The following OR1N1 variants were observed in gnomAD, a reference collection of about 807,000 sequenced individuals.
OR1N1 encodes olfactory receptor family 1 subfamily N member 1.
For missense variants in OR1N1, 388 were observed against 391.9 expected (o/e 0.99, Z 0.08); for synonymous variants, 130 against 151.2 (o/e 0.86, Z 1.03).
At position 122,526,878 on chromosome 9, in the gene OR1N1, C is replaced by T; in HGVS notation, c.416G>A (p.Cys139Tyr). The change falls in exon 1 of 1, where the codon TGT (cysteine) becomes TAT (tyrosine). Residue 139 changes from cysteine to tyrosine, a missense_variant. Physicochemically the swap from Cys to Tyr is radical, Grantham distance 194. Coordinates refer to ENST00000304880, the MANE Select transcript of OR1N1 (RefSeq NM_012363.1). ...CYSTVMRPQV[C>Y]ALMLALCWVL... ...CCAGCACAATGCAAGCATTAGGGCA[C>T]AGACTTGGGGCCTCATGACTGTGGA... is the stretch of plus-strand genomic sequence containing the variant. 1 of 1,614,140 alleles carries T rather than the reference C, an allele frequency of 6.2e-7. No individual in the cohort carries two copies. The highest frequency in any genetic ancestry group is 8.5e-7 in the Non-Finnish European group (1 of 1,180,032).
Position 122,526,773 on chromosome 9 carries a change from T to G in OR1N1, c.521A>C (p.His174Pro), listed in dbSNP as rs1220525491. 1.2e-6 allele frequency: 2 copies of G among 1,613,692 alleles called. No homozygotes were observed. The highest frequency in any genetic ancestry group is 2.7e-5 in the African/African-American group (2 of 74,770). The change falls in exon 1 of 1, where the codon CAC becomes CCC. Residue 174 changes from histidine to proline, a missense_variant. Coordinates refer to ENST00000304880, the MANE Select transcript of OR1N1 (RefSeq NM_012363.1). ...LSFCVTGEIA[H>P]FFCDITPVLK... ...GACAGGAGTGATGTCACAGAAAAAG[T>G]GAGCAATTTCCCCAGTCACACAGAA... is the stretch of plus-strand genomic sequence containing the variant.
At position 122,527,189 on chromosome 9, in the gene OR1N1, G is replaced by A. The variant is rs142517599; in HGVS notation, c.105C>T (p.Val35=). 8 of 1,614,096 alleles carry A rather than the reference G, an allele frequency of 5.0e-6. No homozygotes were observed. Among genetic ancestry groups the A allele is most frequent in the Non-Finnish European group, 6.8e-6 (8 of 1,179,938 alleles). Reference sequence around the variant, plus strand: ...TGATGAGCAGGTTCCCAGTCAAGGTGACAAGATACATACACAGGAAAATTC... The same window carrying A: ...TGATGAGCAGGTTCCCAGTCAAGGTAACAAGATACATACACAGGAAAATTC... ...LFGIFLCMYL[V]TLTGNLLIIL... is the part of the protein sequence containing the mutation. The change falls in exon 1 of 1, where the codon GTC becomes GTT. Residue 35 remains valine, a synonymous_variant. Coordinates refer to ENST00000304880, the MANE Select transcript of OR1N1 (RefSeq NM_012363.1).
rs747667403 is a variant in OR1N1 at position 122,526,882 on chromosome 9, C to T, written c.412G>A (p.Val138Ile). 3 of 1,614,168 alleles carry T rather than the reference C, an allele frequency of 1.9e-6. No individual in the cohort carries two copies. Among genetic ancestry groups the T allele is most frequent in the Non-Finnish European group, 2.5e-6 (3 of 1,180,026 alleles). Residue 138 changes from valine (V) to isoleucine (I), a missense_variant, in exon 1 of 1, where the codon GTC (valine) becomes ATC (isoleucine). Coordinates refer to ENST00000304880, the MANE Select transcript of OR1N1 (RefSeq NM_012363.1). ...CACAATGCAAGCATTAGGGCACAGACTTGGGGCCTCATGACTGTGGAGTAG... is the reference window on the plus strand; with the variant it reads ...CACAATGCAAGCATTAGGGCACAGATTTGGGGCCTCATGACTGTGGAGTAG... ...LCYSTVMRPQ[V>I]CALMLALCWV...
rs1303169169 is a variant in OR1N1, at chr9:122,526,388, G to A, written c.906C>T (p.Leu302=). Residue 302 remains leucine, a synonymous_variant, in exon 1 of 1, where the codon CTC becomes CTT. Transcript: ENST00000304880. The stretch of plus-strand genomic sequence containing the variant: ...AGGAAACAATACTCCTGTGACTGAA[G>A]AGCCTCTTTAGGGCCCCCTTCATGT... ...NKDMKGALKR[L]FSHRSIVSS The A allele has an allele frequency of 2.7e-6, 4 of 1,506,582 alleles. No individual in the cohort carries two copies. Among genetic ancestry groups the A allele is most frequent in the South Asian group, 1.4e-5 (1 of 71,102 alleles). 93.3% of individuals were successfully genotyped at this position (1,506,582 alleles called of 1,614,324 possible).
chr9:122,527,196 T>G lies in OR1N1; in HGVS notation c.98A>C (p.Tyr33Ser), dbSNP rs775209293. 2.5e-6 allele frequency: 4 copies of G among 1,614,086 alleles called. No individual in the cohort carries two copies. In the Admixed American group the frequency reaches 6.7e-5, roughly 27 times the overall value. The change falls in exon 1 of 1, where the codon TAT (tyrosine) becomes TCT (serine). Residue 33 changes from tyrosine (Y) to serine (S), a missense_variant. Transcript: ENST00000304880. ...CAGGTTCCCAGTCAAGGTGACAAGA[T>G]ACATACACAGGAAAATTCCGAAGAG... ...QSLFGIFLCM[Y>S]LVTLTGNLLI...
In OR1N1 at chr9:122,527,102, C is replaced by A; in HGVS notation, c.192G>T (p.Leu64=). 1 of 1,614,190 alleles carries A rather than the reference C, an allele frequency of 6.2e-7. No individual in the cohort carries two copies. The highest frequency in any genetic ancestry group is 8.5e-7 in the Non-Finnish European group (1 of 1,180,026). Residue 64 remains leucine (L), a synonymous_variant, in exon 1 of 1, where the codon CTG becomes CTT. Coordinates refer to ENST00000304880, the MANE Select transcript of OR1N1 (RefSeq NM_012363.1). The part of the protein sequence containing the change: ...HTPMYFFLAN[L]SFVDMGLTSS... The stretch of plus-strand genomic sequence containing the variant: ...ACGTTAAACCCATGTCAACAAAAGA[C>A]AGGTTGGCCAAGAAAAAGTACATGG...
At position 122,526,938 on chromosome 9, in the gene OR1N1, T is replaced by C; in HGVS notation, c.356A>G (p.Asp119Gly). 6.2e-7 allele frequency: 1 copy of C among 1,614,068 alleles called. No individual in the cohort carries two copies. Among genetic ancestry groups the C allele is most frequent in the African/African-American group, 1.3e-5 (1 of 75,020 alleles). Residue 119 changes from aspartate to glycine, a missense_variant, in exon 1 of 1, where the codon GAC becomes GGC. Physicochemically the swap from Asp to Gly is moderately conservative, Grantham distance 94. Coordinates refer to ENST00000304880, the MANE Select transcript of OR1N1 (RefSeq NM_012363.1). The part of the protein sequence containing the change: ...DSFFLAAMAY[D>G]RYVAICHPLC... Reference sequence around the variant, plus strand: ...GGGGTGGCAAATGGCCACATAGCGGTCATACGCCATGGCAGCCAGGAAGAA... The same window carrying C: ...GGGGTGGCAAATGGCCACATAGCGGCCATACGCCATGGCAGCCAGGAAGAA...
At position 122,526,819 on chromosome 9, in the gene OR1N1, A is replaced by C; in HGVS notation, c.475T>G (p.Phe159Val). ...LTNIVALTHT[F>V]LMARLSFCVT... The stretch of plus-strand genomic sequence containing the variant: ...CAGAAGGACAACCGAGCCATGAGGA[A>C]CGTGTGAGTCAGGGCAACGATATTG... Residue 159 changes from phenylalanine (F) to valine (V), a missense_variant, in exon 1 of 1, where the codon TTC becomes GTC. Physicochemically the swap from Phe to Val is conservative, Grantham distance 50 (BLOSUM62 -1). Transcript: ENST00000304880. 6.2e-7 allele frequency: 1 copy of C among 1,614,132 alleles called. No individual in the cohort carries two copies. The highest frequency in any genetic ancestry group is 8.5e-7 in the Non-Finnish European group (1 of 1,180,012).
rs780791457 is a variant in OR1N1 at position 122,527,010 on chromosome 9, C to T, written c.284G>A (p.Cys95Tyr). 6.2e-7 allele frequency: 1 copy of T among 1,614,178 alleles called. No homozygotes were observed. The highest frequency in any genetic ancestry group is 8.5e-7 in the Non-Finnish European group (1 of 1,180,030). Residue 95 changes from cysteine to tyrosine, a missense_variant, in exon 1 of 1, where the codon TGC becomes TAC. By Grantham distance (194) the Cys-to-Tyr change is radical (BLOSUM62 -2). Coordinates refer to ENST00000304880, the MANE Select transcript of OR1N1 (RefSeq NM_012363.1). ...CAGAAAGAAATACATTTGCGTGAGG[C>T]AACCCGTATAGGAGATGGTGTGATG... ...TRHHTISYTG[C>Y]LTQMYFFLMF...
In OR1N1 at chr9:122,526,940, A is replaced by G. The variant is rs149054775; in HGVS notation, c.354T>C (p.Tyr118=). 4,289 of 1,614,190 alleles carry G rather than the reference A, an allele frequency of 2.7e-3. 161 individuals carry two copies. The Admixed American group carries it at 0.066, about 25-fold the overall frequency. The change falls in exon 1 of 1, where the codon TAT becomes TAC. Residue 118 remains tyrosine, a synonymous_variant. Transcript: ENST00000304880. ...LDSFFLAAMA[Y]DRYVAICHPL... The stretch of plus-strand genomic sequence containing the variant: ...GGTGGCAAATGGCCACATAGCGGTC[A>G]TACGCCATGGCAGCCAGGAAGAAGC...
rs1235761980 is a variant in OR1N1 at position 122,526,582 on chromosome 9, T to C, written c.712A>G (p.Thr238Ala). ...TRGGVGKAFSTCSSHLCVVCV... is the reference protein window; with the variant it reads ...TRGGVGKAFSACSSHLCVVCV... ...ACAACGCAGAGGTGGGAACTGCAGG[T>C]GGAAAAGGCCTTGCCCACCCCACCA... Residue 238 changes from threonine to alanine, a missense_variant, in exon 1 of 1, where the codon ACC becomes GCC. By Grantham distance (58) the Thr-to-Ala change is moderately conservative. Coordinates refer to ENST00000304880, the MANE Select transcript of OR1N1 (RefSeq NM_012363.1). 1.9e-6 allele frequency: 3 copies of C among 1,613,618 alleles called. No individual in the cohort carries two copies. The South Asian group carries it at 3.3e-5, about 18-fold the overall frequency.
Position 122,527,266 on chromosome 9 carries a change from A to G in OR1N1, c.28T>C (p.Phe10Leu). 1 of 1,611,322 alleles carries G rather than the reference A, an allele frequency of 6.2e-7. No individual in the cohort carries two copies. Among genetic ancestry groups the G allele is most frequent in the Non-Finnish European group, 8.5e-7 (1 of 1,178,032 alleles). ...GGCGCTGATATTCCTCGGAGGAAAA[A>G]TTCAGAAATGCTGGATTGGTTTTCC... MENQSSISEFFLRGISAPPE... is the reference protein window; with the variant it reads MENQSSISELFLRGISAPPE... Residue 10 changes from phenylalanine to leucine, a missense_variant, in exon 1 of 1, where the codon TTT becomes CTT. By Grantham distance (22) the Phe-to-Leu change is conservative. Coordinates refer to ENST00000304880, the MANE Select transcript of OR1N1 (RefSeq NM_012363.1).
chr9:122,526,657 C>A lies in OR1N1; in HGVS notation c.637G>T (p.Val213Phe), dbSNP rs1828839324. 2.5e-6 allele frequency: 4 copies of A among 1,614,118 alleles called. No homozygotes were observed. Among genetic ancestry groups the A allele is most frequent in the African/African-American group, 2.7e-5 (2 of 75,008 alleles). The change falls in exon 1 of 1, where the codon GTC (valine) becomes TTC (phenylalanine). Residue 213 changes from valine to phenylalanine, a missense_variant. Transcript: ENST00000304880. ...GGCACAATGTGGATGTAGGAGGTGA[C>A]AATGCATAAAAAGGGGACGATGAGT... ...TVLIVPFLCI[V>F]TSYIHIVPAI...
chr9:122,526,595 G>C lies in OR1N1; in HGVS notation c.699C>G (p.Gly233=). The C allele has an allele frequency of 6.2e-7, 1 of 1,614,116 alleles. No homozygotes were observed. The highest frequency in any genetic ancestry group is 8.5e-7 in the Non-Finnish European group (1 of 1,180,008). The part of the protein sequence containing the change: ...ILRVRTRGGV[G]KAFSTCSSHL... ...GGGAACTGCAGGTGGAAAAGGCCTTGCCCACCCCACCACGGGTTCGGACCC... is the reference window on the plus strand; with the variant it reads ...GGGAACTGCAGGTGGAAAAGGCCTTCCCCACCCCACCACGGGTTCGGACCC... The change falls in exon 1 of 1, where the codon GGC becomes GGG. Residue 233 remains glycine, a synonymous_variant. Transcript: ENST00000304880.
At position 122,526,897 on chromosome 9, in the gene OR1N1, C is replaced by T; in HGVS notation, c.397G>A (p.Val133Ile). The change falls in exon 1 of 1, where the codon GTC (valine) becomes ATC (isoleucine). Residue 133 changes from valine to isoleucine, a missense_variant. Physicochemically the swap from Val to Ile is conservative, Grantham distance 29 (BLOSUM62 3). Transcript: ENST00000304880. ...AICHPLCYST[V>I]MRPQVCALML... ...AGGGCACAGACTTGGGGCCTCATGA[C>T]TGTGGAGTAGCAGAGGGGGTGGCAA... The T allele has an allele frequency of 6.2e-7, 1 of 1,614,182 alleles. No homozygotes were observed. The highest frequency in any genetic ancestry group is 8.5e-7 in the Non-Finnish European group (1 of 1,180,034).
rs144714697 is a variant in OR1N1, at chr9:122,527,122, A to T, written c.172T>A (p.Tyr58Asn). The T allele has an allele frequency of 8.1e-4, 1,308 of 1,614,232 alleles. 10 individuals carry two copies. In the African/African-American group the frequency reaches 0.016, roughly 19 times the overall value. Residue 58 changes from tyrosine to asparagine, a missense_variant, in exon 1 of 1, where the codon TAC (tyrosine) becomes AAC (asparagine). Transcript: ENST00000304880. The stretch of plus-strand genomic sequence containing the variant: ...AAAGACAGGTTGGCCAAGAAAAAGT[A>T]CATGGGGGTGTGGAGGTGCAGGTCA... The part of the protein sequence containing the change: ...GSDLHLHTPM[Y>N]FFLANLSFVD...
In OR1N1 at chr9:122,526,460, T is replaced by A. The variant is rs775614722; in HGVS notation, c.834A>T (p.Ile278=). ...TAAAGGGGTTCAACATGGGAGTCACTATGGTGTACATTGCAGCTGCTGCAA... is the reference window on the plus strand; with the variant it reads ...TAAAGGGGTTCAACATGGGAGTCACAATGGTGTACATTGCAGCTGCTGCAA... ...KDIAAAAMYT[I]VTPMLNPFIY... Residue 278 remains isoleucine (I), a synonymous_variant, in exon 1 of 1, where the codon ATA becomes ATT. Coordinates refer to ENST00000304880, the MANE Select transcript of OR1N1 (RefSeq NM_012363.1). 1.9e-6 allele frequency: 3 copies of A among 1,549,940 alleles called. No individual in the cohort carries two copies. In the South Asian group the frequency reaches 3.8e-5, roughly 20 times the overall value.
rs1199994708 is a variant in OR1N1, at chr9:122,527,270, A to G, written c.24T>C (p.Ser8=). The G allele has an allele frequency of 6.2e-7, 1 of 1,610,412 alleles. No homozygotes were observed. The highest frequency in any genetic ancestry group is 8.5e-7 in the Non-Finnish European group (1 of 1,177,504). MENQSSI[S]EFFLRGISAP... Reference sequence around the variant, plus strand: ...CTGATATTCCTCGGAGGAAAAATTCAGAAATGCTGGATTGGTTTTCCATGA... The same window carrying G: ...CTGATATTCCTCGGAGGAAAAATTCGGAAATGCTGGATTGGTTTTCCATGA... Residue 8 remains serine (S), a synonymous_variant, in exon 1 of 1, where the codon TCT becomes TCC. Coordinates refer to ENST00000304880, the MANE Select transcript of OR1N1 (RefSeq NM_012363.1).
At position 122,527,138 on chromosome 9, in the gene OR1N1, G is replaced by A; in HGVS notation, c.156C>T (p.His52=). 6.2e-7 allele frequency: 1 copy of A among 1,614,194 alleles called. No individual in the cohort carries two copies. The highest frequency in any genetic ancestry group is 8.5e-7 in the Non-Finnish European group (1 of 1,180,036). Residue 52 remains histidine, a synonymous_variant, in exon 1 of 1, where the codon CAC becomes CAT. Coordinates refer to ENST00000304880, the MANE Select transcript of OR1N1 (RefSeq NM_012363.1). The part of the protein sequence containing the change: ...LIILAIGSDL[H]LHTPMYFFLA... ...AGAAAAAGTACATGGGGGTGTGGAG[G>A]TGCAGGTCAGAGCCAATGGCCAGGA...
Sources: gnomAD v4.1 joint callset for allele counts on GRCh38, gnomAD v4.1.1 for gene constraint, MANE v1.5 for transcripts, NCBI Gene and HGNC (gene_info 2026-07-23, HGNC 2026-07-21) for gene names.